Variants in RNF144A observed in about 807,000 individuals in gnomAD.
The protein encoded by RNF144A is E3 ubiquitin-protein ligase RNF144A.
A neutral mutation model predicts 38.7 loss-of-function variants in RNF144A; 11 were observed. The ratio of observed to expected loss-of-function variants is 0.28; its 90% CI spans 0.18 to 0.47. The LOEUF is 0.47. Among genes scored for constraint, RNF144A ranks in the 20% least tolerant of loss-of-function variants. The probability of loss-of-function intolerance (pLI) is 0.99; values close to 1 mark genes in which losing one functional copy is unlikely to be tolerated. For synonymous variants in RNF144A, 149 were observed against 143.9 expected (o/e 1.04, Z -0.25); for missense variants, 316 against 377.2 (o/e 0.84, Z 1.34).
chr2:7,007,422 ACACT>A (rs1198243850), intron 3 of RNF144A, among the ~76,000 whole-genome samples: 13 of 152,184 alleles, frequency 8.5e-5, no homozygotes. Flanking sequence ...ACATTGTCTC[ACACT>A]CAGCCTCTCA....
chr2:6,927,702 A>G (rs1178802401), intron 1 of RNF144A, among the ~76,000 whole-genome samples: 1 of 152,230 alleles, frequency 6.6e-6, no homozygotes, highest in Non-Finnish European at 1.5e-5. Flanking sequence ...GGGTGTGAAA[A>G]ACAGAATGTA....
intron 1 of RNF144A, among the ~76,000 whole-genome samples, chr2:6,930,265 C>T (rs1226909164): frequency 6.6e-6 from 1 of 152,044 alleles, no homozygotes; most frequent in East Asian, 1.9e-4. Context: ...TAAGTGAAAA[C>T]AATGGTGAGG....
chr2:6,980,606 C>T (rs1253706093), intron 2 of RNF144A, among the ~76,000 whole-genome samples: 1 of 152,238 alleles, frequency 6.6e-6, no homozygotes. Flanking sequence ...CTCTGTGGCT[C>T]TGTAGGGTAC....
Position 7,039,859 on chromosome 2 carries a change from T to C in RNF144A, c.*99T>C. ...CCTTCACTAAACATCTTTCTTGCCTTATGTGCCCCATTGAGCTTCACAGTG... is the reference window on the plus strand; with the variant it reads ...CCTTCACTAAACATCTTTCTTGCCTCATGTGCCCCATTGAGCTTCACAGTG... On this transcript the variant is annotated 3_prime_UTR_variant, in exon 9 of 9. Transcript: ENST00000320892. The C allele has an allele frequency of 6.6e-7, 1 of 1,519,916 alleles. No homozygotes were observed. The highest frequency in any genetic ancestry group is 8.8e-7 in the Non-Finnish European group (1 of 1,131,186). 94.2% of individuals were successfully genotyped at this position (1,519,916 alleles called of 1,614,324 possible). A position where few individuals can be genotyped will look rare whatever the true frequency, so the allele number is the denominator to read the frequency against.
intron 1 of RNF144A, among the ~76,000 whole-genome samples, chr2:6,930,058 C>A (rs894066347): frequency 6.6e-6 from 1 of 152,166 alleles, no homozygotes; most frequent in Non-Finnish European, 1.5e-5. Context: ...TGCACAGTTG[C>A]GCTTTGGAGA....
chr2:6,946,903 G>C (rs1379932899), intron 2 of RNF144A, among the ~76,000 whole-genome samples: 1 of 152,020 alleles, frequency 6.6e-6, no homozygotes, highest in Non-Finnish European at 1.5e-5. Flanking sequence ...CATATCTGGT[G>C]GTTCCCAAAG....
chr2:6,980,967 G>T (rs184822364), intron 2 of RNF144A, among the ~76,000 whole-genome samples: 75 of 152,362 alleles, frequency 4.9e-4, no homozygotes, highest in Admixed American at 1.0e-3. Context: ...AGGTGCCAAG[G>T]CTTAGGGCTT....
At position 7,020,561 on chromosome 2, in the gene RNF144A, C is replaced by G; in HGVS notation, c.390C>G (p.Pro130=). The change falls in exon 6 of 9, where the codon CCC becomes CCG. Residue 130 remains proline, a synonymous_variant. Coordinates refer to ENST00000320892, the MANE Select transcript of RNF144A (RefSeq NM_014746.6). ...CQLQDVGLQT[P]QPVQCKACRM... Reference sequence around the variant, plus strand: ...TCCAGGACGTGGGGCTGCAGACCCCCCAGCCAGTGCAGTGCAAAGCCTGCC... The same window carrying G: ...TCCAGGACGTGGGGCTGCAGACCCCGCAGCCAGTGCAGTGCAAAGCCTGCC... The G allele has an allele frequency of 3.7e-6, 6 of 1,613,426 alleles. No homozygotes were observed. Among genetic ancestry groups the G allele is most frequent in the East Asian group, 2.2e-5 (1 of 44,884 alleles).
At chr2:7,022,921 G>A (rs1671631523) in intron 6 of RNF144A, among the ~76,000 whole-genome samples, 1 of 152,226 alleles carries the variant, frequency 6.6e-6, no homozygotes, top group South Asian at 2.1e-4. Context: ...AAGCATTTGA[G>A]CTAGTGACAG....
At chr2:6,939,555 A>G (rs557240164) in intron 1 of RNF144A, among the ~76,000 whole-genome samples, 2 of 152,260 alleles carry the variant, frequency 1.3e-5, no homozygotes, top group South Asian at 2.1e-4. Flanking sequence ...GGCATTTTTG[A>G]CATGCAAACA....
intron 6 of RNF144A, among the ~76,000 whole-genome samples, chr2:7,049,753 A>G (rs1572480871): frequency 6.6e-6 from 1 of 152,344 alleles, no homozygotes; most frequent in East Asian, 1.9e-4. Context: ...ACAAACACCA[A>G]TTAGGAGATG....
intron 6 of RNF144A, among the ~76,000 whole-genome samples, chr2:7,051,756 G>A (rs771253989): frequency 3.9e-5 from 6 of 152,228 alleles, no homozygotes; most frequent in Non-Finnish European, 7.3e-5. Flanking sequence ...GGGCATGGCG[G>A]TGGGTGCCTG....
chr2:7,004,816 G>A (rs1670334566), intron 3 of RNF144A, among the ~76,000 whole-genome samples: 1 of 152,184 alleles, frequency 6.6e-6, no homozygotes, highest in Non-Finnish European at 1.5e-5. Context: ...TGGCGGTTGT[G>A]TTCCCTGATC....
At chr2:7,018,444 G>A (rs1207545228) in intron 5 of RNF144A, among the ~76,000 whole-genome samples, 1 of 152,192 alleles carries the variant, frequency 6.6e-6, no homozygotes, top group East Asian at 1.9e-4. Flanking sequence ...GACGGGATGG[G>A]AGCATGACCC....
chr2:6,929,012 G>A (rs1391502736), intron 1 of RNF144A, among the ~76,000 whole-genome samples: 1 of 152,142 alleles, frequency 6.6e-6, no homozygotes, highest in Non-Finnish European at 1.5e-5. Context: ...AGACACAGCA[G>A]ACTTGGTGCC....
intron 2 of RNF144A, among the ~76,000 whole-genome samples, chr2:6,975,811 G>A (rs1668274614): frequency 6.6e-6 from 1 of 152,218 alleles, no homozygotes; most frequent in African/African-American, 2.4e-5. Context: ...GGGTGACAGA[G>A]CGAGACCCTG....
Position 7,030,364 on chromosome 2 carries a change from A to G in RNF144A, c.747+149A>G, listed in dbSNP as rs114852302. 1,201 of 649,010 alleles carry G rather than the reference A, an allele frequency of 1.9e-3. 7 individuals are homozygous for G. In the African/African-American group the frequency reaches 0.019, roughly 10 times the overall value. 40.2% of individuals were successfully genotyped at this position (649,010 alleles called of 1,614,324 possible). A position where few individuals can be genotyped will look rare whatever the true frequency, so the allele number is the denominator to read the frequency against. ...AAGGACGAAGATCTCCTGGATAGAA[A>G]GAGCTAGTAGATGTGCTTCCTGCTG... On this transcript the variant is annotated intron_variant, in intron 8 of 8. Transcript: ENST00000320892.
intron 7 of RNF144A, among the ~76,000 whole-genome samples, chr2:7,029,472 T>C (rs973580064): frequency 6.6e-6 from 1 of 152,180 alleles, no homozygotes; most frequent in Non-Finnish European, 1.5e-5. Context: ...CAGGTGTTCC[T>C]GGAGTGCAGA....
rs552913645 is a variant in RNF144A, at chr2:6,997,139, C to T, written c.135+78C>T. 3.9e-5 allele frequency: 56 copies of T among 1,437,920 alleles called. No homozygotes were observed. In the South Asian group the frequency reaches 5.6e-4, roughly 14 times the overall value. The allele number at this position is 1,437,920 out of a possible 1,614,324, so 89.1% of individuals were successfully genotyped here. A position where few individuals can be genotyped will look rare whatever the true frequency, so the allele number is the denominator to read the frequency against. On this transcript the variant is annotated intron_variant, in intron 3 of 8. Transcript: ENST00000320892. ...TGCTTTCATTTGCAGAGACACTAGG[C>T]AAACCTTTGGACTACATTTTGCCTG...
Sources: allele counts gnomAD v4.1 joint callset (sites outside exome capture counted in the v4.1 genomes callset), GRCh38; gene constraint gnomAD v4.1.1; transcripts MANE v1.5; gene names NCBI Gene and HGNC (gene_info 2026-07-23, HGNC 2026-07-21).